The following HTR4 variants were observed in gnomAD, a reference collection of about 807,000 sequenced individuals.
HTR4 encodes the protein 5-hydroxytryptamine (serotonin) receptor 4, G protein-coupled.
Under a neutral mutation model 36.8 loss-of-function variants are expected in HTR4, and 16 were observed. The ratio of observed to expected loss-of-function variants is 0.43; its 90% CI spans 0.29 to 0.66. The LOEUF is 0.66. Among genes scored for constraint, HTR4 ranks in the 30% least tolerant of loss-of-function variants. HTR4 has a pLI of 0.13. For missense variants in HTR4, 438 were observed against 490.9 expected (o/e 0.89, Z 1.02); for synonymous variants, 189 against 185.1 (o/e 1.02, Z -0.17).
downstream of HTR4, chr5:148,476,695 A>AC: frequency 6.7e-7 from 1 of 1,489,020 alleles, no homozygotes; most frequent in Non-Finnish European, 9.0e-7. Flanking sequence ...GGGCACTAAG[A>AC]AAAAAAAATG....
At chr5:148,549,540 C>T (rs907691908) in intron 3 of HTR4, among the ~76,000 whole-genome samples, 6 of 152,286 alleles carry the variant, frequency 3.9e-5, no homozygotes, top group African/African-American at 1.2e-4. Context: ...GGTCTCACCC[C>T]AGATCAGTTA....
chr5:148,605,253 TTTC>T (rs201146648), intron 2 of HTR4, among the ~76,000 whole-genome samples: 18,193 of 81,914 alleles, frequency 0.22, 1,731 homozygotes, highest in Non-Finnish European at 0.25. Flanking sequence ...TTTCTTTTCT[TTTC>T]TTTTTTTTTT....
chr5:148,491,504 T>C (rs1384661491), intron 6 of HTR4, among the ~76,000 whole-genome samples: 2 of 152,114 alleles, frequency 1.3e-5, no homozygotes, highest in East Asian at 1.9e-4. Flanking sequence ...ACCTCGGCAC[T>C]ATCTGGAAAT....
At chr5:148,505,067 A>G (rs2113761564) in intron 6 of HTR4, among the ~76,000 whole-genome samples, 1 of 152,314 alleles carries the variant, frequency 6.6e-6, no homozygotes, top group Non-Finnish European at 1.5e-5. Context: ...CAGAGGTACA[A>G]GGAGGAGCTG....
chr5:148,596,148 T>C (rs541397020), intron 2 of HTR4, among the ~76,000 whole-genome samples: 2 of 152,358 alleles, frequency 1.3e-5, no homozygotes, highest in Non-Finnish European at 2.9e-5. Flanking sequence ...GGATTATAGT[T>C]ATTTGGCACC....
At position 148,603,036 on chromosome 5, in the gene HTR4, C is replaced by T. The variant is rs181483041; in HGVS notation, c.26+33953G>A. Among the ~76,000 whole-genome samples, 248 of 152,064 alleles carry T rather than the reference C, an allele frequency of 1.6e-3. 1 individual carries two copies. The highest frequency in any genetic ancestry group is 5.5e-3 in the African/African-American group (227 of 41,512). Reference sequence around the variant, plus strand: ...CCAAACACTTAAGAAATAAATAACACCAACTTACACAAAAACTTTTAAAGA... The same window carrying T: ...CCAAACACTTAAGAAATAAATAACATCAACTTACACAAAAACTTTTAAAGA... On this transcript the variant is annotated intron_variant, in intron 2 of 6. Coordinates refer to ENST00000377888, the MANE Select transcript of HTR4 (RefSeq NM_000870.7).
intron 2 of HTR4, among the ~76,000 whole-genome samples, chr5:148,612,203 A>G (rs1191519995): frequency 6.6e-6 from 1 of 152,162 alleles, no homozygotes; most frequent in East Asian, 1.9e-4. Flanking sequence ...AGAACTCTCC[A>G]CCACAAATCA....
intron 2 of HTR4, among the ~76,000 whole-genome samples, chr5:148,616,909 G>A (rs1752713072): frequency 1.3e-5 from 2 of 152,126 alleles, no homozygotes; most frequent in African/African-American, 4.8e-5. Flanking sequence ...AATTAACAGG[G>A]TAAATGATCA....
At chr5:148,535,027 C>T (rs1561602954) in intron 4 of HTR4, among the ~76,000 whole-genome samples, 1 of 152,090 alleles carries the variant, frequency 6.6e-6, no homozygotes, top group Non-Finnish European at 1.5e-5. Flanking sequence ...TGTGAGGAAA[C>T]AGGGGAGCCA....
chr5:148,465,889 G>A, intron 5 of HTR4: 1 of 1,613,548 alleles, frequency 6.2e-7, no homozygotes, highest in South Asian at 1.1e-5. Context: ...GTCTATTGCA[G>A]AAGAGCAGGA....
intron 2 of HTR4, among the ~76,000 whole-genome samples, chr5:148,611,892 A>G (rs1262104827): frequency 5.9e-5 from 9 of 152,158 alleles, no homozygotes; most frequent in Middle Eastern, 6.8e-3. Context: ...TCTCAGATAA[A>G]ACAGACTTTA....
chr5:148,613,717 A>G (rs1752539952), intron 2 of HTR4, among the ~76,000 whole-genome samples: 1 of 148,844 alleles, frequency 6.7e-6, no homozygotes, highest in South Asian at 2.2e-4. Context: ...AGGGTATTCA[A>G]TTAGGAAAAG....
In HTR4 at chr5:148,555,057, T is replaced by A. The variant is rs571617470; in HGVS notation, c.27-4795A>T. Among the ~76,000 whole-genome samples the A allele has an allele frequency of 5.9e-5, 9 of 151,576 alleles. No individual in the cohort carries two copies. In the East Asian group the frequency reaches 1.7e-3, roughly 29 times the overall value. On this transcript the variant is annotated intron_variant, in intron 2 of 6. Coordinates refer to ENST00000377888, the MANE Select transcript of HTR4 (RefSeq NM_000870.7). ...TTTATATATTAATAATAAATTTTATTATTTATATTTTAGCATTATATAAAA... is the reference window on the plus strand; with the variant it reads ...TTTATATATTAATAATAAATTTTATAATTTATATTTTAGCATTATATAAAA...
At chr5:148,638,950 G>T (rs2127309342) in intron 1 of HTR4, among the ~76,000 whole-genome samples, 1 of 152,262 alleles carries the variant, frequency 6.6e-6, no homozygotes, top group East Asian at 1.9e-4. Context: ...GGGGGGCTGA[G>T]GTGGGAGGAT....
At chr5:148,477,584 G>A (rs909909379), downstream of HTR4, among the ~76,000 whole-genome samples, 10 of 152,120 alleles carry the variant, frequency 6.6e-5, no homozygotes, top group African/African-American at 2.4e-4. Context: ...CTTCTCTGAC[G>A]TACAGCCTGG....
At chr5:148,651,226 T>C (rs554700925) in intron 1 of HTR4, among the ~76,000 whole-genome samples, 27 of 152,302 alleles carry the variant, frequency 1.8e-4, no homozygotes, top group African/African-American at 6.3e-4. Flanking sequence ...TTATATTGCC[T>C]TCCAAATGCT....
chr5:148,529,062 G>A (rs182767154), intron 4 of HTR4, among the ~76,000 whole-genome samples: 3 of 151,934 alleles, frequency 2.0e-5, no homozygotes, highest in Admixed American at 2.0e-4. Flanking sequence ...GGAAGCACAG[G>A]AGTGTTCGAA....
intron 4 of HTR4, among the ~76,000 whole-genome samples, chr5:148,532,955 C>A (rs1305285966): frequency 6.6e-6 from 1 of 152,102 alleles, no homozygotes; most frequent in Admixed American, 6.5e-5. Flanking sequence ...ACTTTGAGAA[C>A]CATTGTCTTA....
At chr5:148,613,605 C>T (rs1343680320) in intron 2 of HTR4, among the ~76,000 whole-genome samples, 1 of 150,256 alleles carries the variant, frequency 6.7e-6, no homozygotes, top group Admixed American at 6.7e-5. Context: ...GAAGCATTCC[C>T]TTTGAAAACT....
Sources: gnomAD v4.1 joint callset for allele counts (sites outside exome capture counted in the v4.1 genomes callset) on GRCh38, gnomAD v4.1.1 for gene constraint, MANE v1.5 for transcripts, NCBI Gene and HGNC (gene_info 2026-07-23, HGNC 2026-07-21) for gene names.